Variants in RPGRIP1L observed in about 807,000 individuals in gnomAD.
The protein encoded by RPGRIP1L is RPGRIP1 like.
In RPGRIP1L, 131 loss-of-function variants were observed where a neutral mutation model predicts 160.4. The ratio of observed to expected loss-of-function variants is 0.82; its 90% CI spans 0.71 to 0.94. The LOEUF (loss-of-function observed/expected upper bound fraction) is 0.94. Ranked by LOEUF, RPGRIP1L falls within the 40% of genes least tolerant of loss-of-function variation. The probability of loss-of-function intolerance (pLI) is 0.00; values close to 1 mark genes in which losing one functional copy is unlikely to be tolerated. For missense variants in RPGRIP1L, 1,522 were observed against 1,535.8 expected (o/e 0.99, Z 0.15); for synonymous variants, 510 against 515.8 (o/e 0.99, Z 0.15).
chr16:53,630,018 T>C (rs879471376), intron 22 of RPGRIP1L, among the ~76,000 whole-genome samples: 4 of 151,540 alleles, frequency 2.6e-5, no homozygotes, highest in Non-Finnish European at 5.9e-5. Context: ...CAAATAAAAA[T>C]ATATATATAG....
rs1433064323 is a variant in RPGRIP1L, at chr16:53,692,068, T to G, written c.527A>C (p.Lys176Thr). 4.3e-6 allele frequency: 7 copies of G among 1,614,064 alleles called. No individual in the cohort carries two copies. Among genetic ancestry groups the G allele is most frequent in the Non-Finnish European group, 5.9e-6 (7 of 1,179,900 alleles). ...ATTTAACGTAAGCTTTGTTTTACCT[T>G]TCCTGGGGCATTCCTGTAAACCAGC... ...ENAGLQECPRKGIKFQDADVA... is the reference protein window; with the variant it reads ...ENAGLQECPRTGIKFQDADVA... Residue 176 changes from lysine to threonine, a missense_variant and splice_region_variant, in exon 4 of 27, where the codon AAA becomes ACA. Lys to Thr is a moderately conservative substitution (Grantham distance 78). Transcript: ENST00000647211.
At chr16:53,649,332 AACT>A (rs1214409362) in intron 15 of RPGRIP1L, among the ~76,000 whole-genome samples, 2 of 151,602 alleles carry the variant, frequency 1.3e-5, no homozygotes, top group African/African-American at 4.9e-5. Context: ...ATTATTAAAG[AACT>A]ACATCAAACT....
chr16:53,604,665 T>C (rs1963561828), intron 26 of RPGRIP1L, among the ~76,000 whole-genome samples: 1 of 152,098 alleles, frequency 6.6e-6, no homozygotes, highest in Admixed American at 6.6e-5. Context: ...AAAATCCTGG[T>C]GGGAAATAAA....
intron 25 of RPGRIP1L, among the ~76,000 whole-genome samples, chr16:53,605,817 C>T (rs1158674075): frequency 2.6e-5 from 4 of 152,210 alleles, no homozygotes; most frequent in Non-Finnish European, 4.4e-5. Context: ...CAAATGAACA[C>T]TAATCCACTT....
intron 3 of RPGRIP1L, chr16:53,695,048 T>G (rs535713405): frequency 1.2e-4 from 46 of 382,364 alleles, no homozygotes; most frequent in South Asian, 9.1e-4. Flanking sequence ...CCTAGCTCAG[T>G]CCTTTTCCCA....
Position 53,672,867 on chromosome 16 carries a change from T to G in RPGRIP1L, c.1029+3A>C, listed in dbSNP as rs778583149. ...CAGATGGCTAAACTCTTTGGGAGCT[T>G]ACCTCTTCTATTCTTCTTTCAGAAA... On this transcript the variant is annotated splice_donor_region_variant and intron_variant, in intron 8 of 26. Transcript: ENST00000647211. 8.7e-6 allele frequency: 14 copies of G among 1,611,780 alleles called. No individual in the cohort carries two copies. In the African/African-American group the frequency reaches 1.2e-4, roughly 14 times the overall value.
intron 6 of RPGRIP1L, among the ~76,000 whole-genome samples, chr16:53,677,930 G>A (rs918661283): frequency 6.6e-6 from 1 of 152,082 alleles, no homozygotes; most frequent in Non-Finnish European, 1.5e-5. Context: ...AATAATGCAT[G>A]GTAAAAACAT....
At chr16:53,665,895 A>G (rs182741482) in intron 9 of RPGRIP1L, among the ~76,000 whole-genome samples, 3 of 152,294 alleles carry the variant, frequency 2.0e-5, no homozygotes, top group East Asian at 1.9e-4. Flanking sequence ...CCAGGTATTC[A>G]TATTTTTAGA....
chr16:53,637,529 T>C (rs375460268), intron 21 of RPGRIP1L, among the ~76,000 whole-genome samples, 166 bp downstream of exon 21: 32 of 152,296 alleles, frequency 2.1e-4, no homozygotes, highest in African/African-American at 7.0e-4. Context: ...CAATTCCACC[T>C]AACTACAACT....
intron 22 of RPGRIP1L, among the ~76,000 whole-genome samples, chr16:53,624,068 T>G (rs879670548): frequency 1.3e-5 from 2 of 152,114 alleles, no homozygotes; most frequent in African/African-American, 2.4e-5. Context: ...TTTTTTAAAT[T>G]TTTTGTAGAG....
At position 53,641,265 on chromosome 16, in the gene RPGRIP1L, TAA is replaced by T. The variant is rs1203730460; in HGVS notation, c.2874+18_2874+19del. The T allele has an allele frequency of 1.2e-6, 2 of 1,610,980 alleles. No individual in the cohort carries two copies. The highest frequency in any genetic ancestry group is 1.3e-5 in the African/African-American group (1 of 74,806). ...CAAAATTTTATACTTGTAAAAAAATTAAAAGTCACTGATACTCACTAAAACTA... is the reference window on the plus strand; with the variant it reads ...CAAAATTTTATACTTGTAAAAAAATTAAGTCACTGATACTCACTAAAACTA... On this transcript the variant is annotated intron_variant, in intron 18 of 26. Coordinates refer to ENST00000647211, the MANE Select transcript of RPGRIP1L (RefSeq NM_015272.5).
chr16:53,639,336 T>C (rs936646082), intron 19 of RPGRIP1L, among the ~76,000 whole-genome samples: 1 of 151,980 alleles, frequency 6.6e-6, no homozygotes, highest in Admixed American at 6.6e-5. Flanking sequence ...AATAAAAATT[T>C]TGGTTACACA....
In RPGRIP1L at chr16:53,658,784, T is replaced by C. The variant is rs754700219; in HGVS notation, c.1338A>G (p.Lys446=). 2 of 1,595,912 alleles carry C rather than the reference T, an allele frequency of 1.3e-6. No homozygotes were observed. The highest frequency in any genetic ancestry group is 3.4e-5 in the Admixed American group (2 of 58,590). ...GGAAATAATTCACCTGGTTGTACAA[T>C]TTTATGCGTTTTTTAAGTTCATCAA... ...QQLDELKKRI[K]LYNQENDINA... Residue 446 remains lysine (K), a synonymous_variant, in exon 11 of 27, where the codon AAA becomes AAG. Coordinates refer to ENST00000647211, the MANE Select transcript of RPGRIP1L (RefSeq NM_015272.5).
At chr16:53,642,964 G>C (rs1345868606) in intron 17 of RPGRIP1L, among the ~76,000 whole-genome samples, 3 of 152,176 alleles carry the variant, frequency 2.0e-5, no homozygotes, top group Non-Finnish European at 2.9e-5. Context: ...CAGAAGGCCA[G>C]CCAACAATTT....
At chr16:53,686,389 A>G in intron 6 of RPGRIP1L, 44 bp downstream of exon 6, 7 of 1,587,818 alleles carry the variant, frequency 4.4e-6, no homozygotes, top group Non-Finnish European at 5.2e-6. Context: ...AGTATTTTAA[A>G]CTAATTTTGA....
chr16:53,642,076 G>A (rs1966255141), intron 17 of RPGRIP1L, among the ~76,000 whole-genome samples: 1 of 151,962 alleles, frequency 6.6e-6, no homozygotes, highest in Non-Finnish European at 1.5e-5. Flanking sequence ...ACAAATAGCA[G>A]TAACAAAAGA....
rs1313273486 is a variant in RPGRIP1L at position 53,605,488 on chromosome 16, AT to A, written c.3827del (p.Asn1276IlefsTer19). ...CAACACTTTCACCCATACCATCGATATTTTGCTCAATGAGGTCCCTCCCTTC... is the reference window on the plus strand; with the variant it reads ...CAACACTTTCACCCATACCATCGATATTTGCTCAATGAGGTCCCTCCCTTC... Reference protein sequence around the residue: ...FQEGRDLIEQNIDVFDARADG... With the variant: ...FQEGRDLIEQXIDVFDARADG... On this transcript the variant is annotated frameshift_variant, in exon 26 of 27. Coordinates refer to ENST00000647211, the MANE Select transcript of RPGRIP1L (RefSeq NM_015272.5). LOFTEE classifies it high-confidence loss of function. 6.2e-7 allele frequency: 1 copy of A among 1,613,970 alleles called. No homozygotes were observed. Among genetic ancestry groups the A allele is most frequent in the Non-Finnish European group, 8.5e-7 (1 of 1,180,026 alleles).
At chr16:53,673,632 G>C (rs1227371266) in intron 7 of RPGRIP1L, among the ~76,000 whole-genome samples, 1 of 151,654 alleles carries the variant, frequency 6.6e-6, no homozygotes, top group Non-Finnish European at 1.5e-5. Flanking sequence ...TTTTCATATA[G>C]ACCATATAAC....
At chr16:53,700,950 C>T (rs1406795878) in intron 1 of RPGRIP1L, among the ~76,000 whole-genome samples, 1 of 152,122 alleles carries the variant, frequency 6.6e-6, no homozygotes, top group Non-Finnish European at 1.5e-5. Flanking sequence ...CTATAGTTTG[C>T]TTAGGAAATG....
Sources: gnomAD v4.1 joint callset for allele counts (sites outside exome capture counted in the v4.1 genomes callset) on GRCh38, gnomAD v4.1.1 for gene constraint, MANE v1.5 for transcripts, NCBI Gene and HGNC (gene_info 2026-07-23, HGNC 2026-07-21) for gene names.